Variants in ITGA11 observed in about 807,000 individuals in gnomAD.
ITGA11 encodes the protein integrin subunit alpha 11.
ITGA11 carries 97 observed loss-of-function variants against 141.9 expected under a neutral mutation model. The ratio of observed to expected loss-of-function variants is 0.68; its 90% CI spans 0.58 to 0.81. The LOEUF is 0.81. Among genes scored for constraint, ITGA11 ranks in the 30% least tolerant of loss-of-function variants. The probability of loss-of-function intolerance (pLI) is 0.00; values close to 1 mark genes in which losing one functional copy is unlikely to be tolerated. For missense variants in ITGA11, 1,387 were observed against 1,559.2 expected, an observed-to-expected ratio of 0.89 and a Z score of 1.86; for synonymous variants, 658 against 624.6, an observed-to-expected ratio of 1.05 and a Z score of -0.80.
intron 1 of ITGA11, among the ~76,000 whole-genome samples, chr15:68,413,051 AC>A (rs1165295524): frequency 6.6e-6 from 1 of 152,254 alleles, no homozygotes; most frequent in Non-Finnish European, 1.5e-5. Flanking sequence ...TTGTTTTTCT[AC>A]AGCGAATCTC....
In ITGA11 at chr15:68,299,880, C is replaced by T. The variant is rs1892989655; in HGVS notation, c.*3179G>A. The T allele has an allele frequency of 6.6e-6, 1 of 152,168 alleles. No individual in the cohort carries two copies. The highest frequency in any genetic ancestry group is 2.4e-5 in the African/African-American group (1 of 41,412). The allele number at this position is 152,168 out of a possible 1,614,324, so 9.4% of individuals were successfully genotyped here. On this transcript the variant is annotated 3_prime_UTR_variant, in exon 30 of 30. Transcript: ENST00000315757. ...TTCCATAGTGTCTCCATTGTGTTTGCATTAGCACTTTGCCCTTTCCACCTA... is the reference window on the plus strand; with the variant it reads ...TTCCATAGTGTCTCCATTGTGTTTGTATTAGCACTTTGCCCTTTCCACCTA...
chr15:68,391,198 C>T (rs1896111502), intron 2 of ITGA11, among the ~76,000 whole-genome samples: 1 of 152,098 alleles, frequency 6.6e-6, no homozygotes, highest in Non-Finnish European at 1.5e-5. Context: ...GGAGGGGGCT[C>T]AGCTCTCGGG....
At chr15:68,348,777 C>T (rs1024036155) in intron 10 of ITGA11, 53 bp downstream of exon 10, 33 of 1,475,430 alleles carry the variant, frequency 2.2e-5, no homozygotes, top group African/African-American at 4.2e-5. Context: ...AGGGGAAGAG[C>T]ATGCCCTCGA....
intron 1 of ITGA11, among the ~76,000 whole-genome samples, chr15:68,415,907 T>C (rs992686572): frequency 1.3e-5 from 2 of 152,130 alleles, no homozygotes; most frequent in African/African-American, 4.8e-5. Flanking sequence ...ATGAACTTGA[T>C]ATTCATCCAA....
chr15:68,396,586 A>C (rs1236957500), intron 2 of ITGA11, among the ~76,000 whole-genome samples: 1 of 151,206 alleles, frequency 6.6e-6, no homozygotes, highest in East Asian at 2.0e-4. Context: ...GTGCAATTAG[A>C]AAAATAAATA....
rs1228116288 is a variant in ITGA11 at position 68,369,205 on chromosome 15, TC to T, written c.243del (p.Asn82ThrfsTer108). On this transcript the variant is annotated frameshift_variant, in exon 3 of 30. Coordinates refer to ENST00000315757, the MANE Select transcript of ITGA11 (RefSeq NM_001004439.2). LOFTEE classifies it high-confidence loss of function. ...TTACCCAGGTTGAGTTTGGTGCAGT[TC>T]CCGTGGATCACTGGACACTTGTACA... ...GDVYKCPVIH[G>X]NCTKLNLGRV... The T allele has an allele frequency of 1.2e-6, 2 of 1,613,782 alleles. No individual in the cohort carries two copies.
intron 2 of ITGA11, among the ~76,000 whole-genome samples, chr15:68,379,786 G>T (rs1895815634): frequency 6.6e-6 from 1 of 152,172 alleles, no homozygotes; most frequent in Non-Finnish European, 1.5e-5. Context: ...CTTTATAGCA[G>T]CTTTCTCCTC....
chr15:68,370,638 C>T (rs16951961), intron 2 of ITGA11, among the ~76,000 whole-genome samples: 12,231 of 152,266 alleles, frequency 0.08, 753 homozygotes, highest in African/African-American at 0.17. Context: ...TTCCCAGGGA[C>T]AGCGGTACTG....
At chr15:68,344,788 A>G (rs1055982301) in intron 10 of ITGA11, among the ~76,000 whole-genome samples, 5 of 152,174 alleles carry the variant, frequency 3.3e-5, no homozygotes, top group African/African-American at 1.2e-4. Flanking sequence ...ACCTTTAGGT[A>G]CAAGAGAAAA....
Position 68,315,655 on chromosome 15 carries a change from C to A in ITGA11, c.2788G>T (p.Gly930Cys). The A allele has an allele frequency of 1.2e-5, 19 of 1,613,110 alleles. No individual in the cohort carries two copies. Among genetic ancestry groups the A allele is most frequent in the Non-Finnish European group, 1.6e-5 (19 of 1,179,448 alleles). Residue 930 changes from glycine to cysteine, a missense_variant, in exon 22 of 30, where the codon GGC becomes TGC. Coordinates refer to ENST00000315757, the MANE Select transcript of ITGA11 (RefSeq NM_001004439.2). ...AGGAGCAGGCACGGCCCTGACCTGC[C>A]TGCAGCGAGCTCGATCTCCAGGTGG... is the stretch of plus-strand genomic sequence containing the variant. Reference protein sequence around the residue: ...LHHLEIELAAGSDSNERDSTK... With the variant: ...LHHLEIELAACSDSNERDSTK...
At chr15:68,345,912 G>A (rs945050182) in intron 10 of ITGA11, among the ~76,000 whole-genome samples, 4 of 152,332 alleles carry the variant, frequency 2.6e-5, no homozygotes, top group Admixed American at 6.5e-5. Context: ...CCCAGTGCCC[G>A]GTCACAGAGC....
chr15:68,373,742 C>T (rs1895655438), intron 2 of ITGA11, among the ~76,000 whole-genome samples: 1 of 152,164 alleles, frequency 6.6e-6, no homozygotes, highest in South Asian at 2.1e-4. Flanking sequence ...AGGGTGGTCT[C>T]TTTTCTCTGG....
At chr15:68,358,901 ACC>A in intron 5 of ITGA11, among the ~76,000 whole-genome samples, 1 of 152,196 alleles carries the variant, frequency 6.6e-6, no homozygotes, top group Non-Finnish European at 1.5e-5. Context: ...TCAAATCAGT[ACC>A]TTGGTATTGT....
chr15:68,330,035 A>G (rs1894104257), intron 15 of ITGA11, among the ~76,000 whole-genome samples: 1 of 152,218 alleles, frequency 6.6e-6, no homozygotes, highest in Non-Finnish European at 1.5e-5. Flanking sequence ...CTGAGCAAAG[A>G]GCAGCACGCG....
At chr15:68,376,227 T>TC (rs1895724200) in intron 2 of ITGA11, among the ~76,000 whole-genome samples, 1 of 41,200 alleles carries the variant, frequency 2.4e-5, no homozygotes, top group African/African-American at 5.6e-5. Flanking sequence ...TGTTCTCCTC[T>TC]CTTTTTTTTT....
At chr15:68,418,138 G>A (rs1896930422) in intron 1 of ITGA11, among the ~76,000 whole-genome samples, 2 of 152,226 alleles carry the variant, frequency 1.3e-5, no homozygotes, top group Admixed American at 6.5e-5. Context: ...AAATAAGAAT[G>A]ATAGGAATTC....
Position 68,302,658 on chromosome 15 carries a change from A to G in ITGA11, c.*401T>C, listed in dbSNP as rs1049439552. ...GATCCTTCTGGAACTAGAGGCCTGG[A>G]GTGTGCAGATTGGGTTCGTATTTAC... On this transcript the variant is annotated 3_prime_UTR_variant, in exon 30 of 30. Coordinates refer to ENST00000315757, the MANE Select transcript of ITGA11 (RefSeq NM_001004439.2). The G allele has an allele frequency of 5.6e-6, 1 of 177,930 alleles. No individual in the cohort carries two copies. The allele number at this position is 177,930 out of a possible 1,614,324, so 11.0% of individuals were successfully genotyped here. A position where few individuals can be genotyped will look rare whatever the true frequency, so the allele number is the denominator to read the frequency against.
At chr15:68,422,039 C>T (rs932328768) in intron 1 of ITGA11, among the ~76,000 whole-genome samples, 6 of 152,090 alleles carry the variant, frequency 3.9e-5, no homozygotes, top group African/African-American at 1.2e-4. Context: ...TTTTAAAGTC[C>T]GAATTTGAAT....
At chr15:68,353,148 G>A (rs968697342) in intron 7 of ITGA11, among the ~76,000 whole-genome samples, 4 of 152,212 alleles carry the variant, frequency 2.6e-5, no homozygotes, top group African/African-American at 7.2e-5. Flanking sequence ...TACGCAGCAC[G>A]CTGAGGAACT....
Sources: allele counts gnomAD v4.1 joint callset (sites outside exome capture counted in the v4.1 genomes callset), GRCh38; gene constraint gnomAD v4.1.1; transcripts MANE v1.5; gene names NCBI Gene and HGNC (gene_info 2026-07-23, HGNC 2026-07-21).